FOXK2: variants seen among roughly 807,000 people sequenced by gnomAD.
The protein encoded by FOXK2 is forkhead box K2.
In FOXK2, 24 loss-of-function variants were observed where a neutral mutation model predicts 53.3. The observed-to-expected ratio is 0.45, with a 90% CI of 0.33 to 0.63. FOXK2 has a LOEUF of 0.63. FOXK2 is among the 30% of genes least tolerant of loss of function. The pLI is 0.03. For synonymous variants in FOXK2, 505 were observed against 407.1 expected (o/e 1.24, Z -2.89); for missense variants, 952 against 910.5 (o/e 1.05, Z -0.59).
chr17:82,602,269 C>T lies in FOXK2; in HGVS notation c.*770C>T, dbSNP rs1200819395. 3 of 152,186 alleles carry T rather than the reference C, an allele frequency of 2.0e-5. No individual in the cohort carries two copies. The highest frequency in any genetic ancestry group is 2.0e-4 in the Admixed American group (3 of 15,276). 9.4% of individuals were successfully genotyped at this position (152,186 alleles called of 1,614,324 possible). The stretch of plus-strand genomic sequence containing the variant: ...GGGACGAGCCAGTGCCGGGAAGGAA[C>T]TGCCGGGACTCACCGAGCTGCACTT... On this transcript the variant is annotated 3_prime_UTR_variant, in exon 9 of 9. Coordinates refer to ENST00000335255, the MANE Select transcript of FOXK2 (RefSeq NM_004514.4).
At chr17:82,559,534 C>T (rs973195468) in intron 1 of FOXK2, 3 of 455,602 alleles carry the variant, frequency 6.6e-6, no homozygotes, top group South Asian at 3.1e-5. Context: ...ACGGGCTGCT[C>T]ATTAGCAGTG....
intron 1 of FOXK2, among the ~76,000 whole-genome samples, chr17:82,538,608 C>T (rs541404600): frequency 6.6e-5 from 10 of 152,340 alleles, no homozygotes; most frequent in South Asian, 6.2e-4. Context: ...CCACAGGAGC[C>T]GCATGGGGTT....
intron 8 of FOXK2, among the ~76,000 whole-genome samples, chr17:82,596,547 G>GCCCTGGTGCCCTCGTCACGCCCCGCGAC (rs1555644203): frequency 6.6e-6 from 1 of 152,096 alleles, no homozygotes; most frequent in Non-Finnish European, 1.5e-5. Context: ...CGCACTTTCT[G>GCCCTGGTGCCCTCGTCACGCCCCGCGAC]CGGGCAGTCT....
chr17:82,601,180 G>A, intron 8 of FOXK2, 123 bp from the exon 9 acceptor site: 1 of 1,071,054 alleles, frequency 9.3e-7, no homozygotes, highest in Non-Finnish European at 1.3e-6. Flanking sequence ...GACCCTTAGA[G>A]GGCGAGAGTT....
At chr17:82,586,630 A>T (rs1339973493) in intron 7 of FOXK2, among the ~76,000 whole-genome samples, 1 of 152,000 alleles carries the variant, frequency 6.6e-6, no homozygotes, top group South Asian at 2.1e-4. Context: ...GGCCAGGTAC[A>T]GTGGCTCACA....
At chr17:82,530,776 T>A (rs1290567982) in intron 1 of FOXK2, among the ~76,000 whole-genome samples, 1 of 152,176 alleles carries the variant, frequency 6.6e-6, no homozygotes, top group Non-Finnish European at 1.5e-5. Context: ...TCCCAAAGTG[T>A]TGGGATCACA....
At chr17:82,597,332 C>CGT (rs1318390546) in intron 8 of FOXK2, among the ~76,000 whole-genome samples, 1 of 152,212 alleles carries the variant, frequency 6.6e-6, no homozygotes, top group Non-Finnish European at 1.5e-5. Flanking sequence ...GTGCCCAACT[C>CGT]GTGTGTGTGT....
chr17:82,539,647 T>TA lies in FOXK2; in HGVS notation c.419+19351dup, dbSNP rs571197253. On this transcript the variant is annotated intron_variant, in intron 1 of 8. Coordinates refer to ENST00000335255, the MANE Select transcript of FOXK2 (RefSeq NM_004514.4). ...CTGGGTAACACTCGAGACCTTGTTT[T>TA]AAAAAAAAAAATTAATTAAAAAATA... 3.6e-4 allele frequency among the ~76,000 whole-genome samples: 52 copies of TA among 146,064 alleles called. No individual in the cohort carries two copies. The East Asian group carries it at 5.2e-3, about 15-fold the overall frequency.
At chr17:82,579,180 G>C (rs2045027440) in intron 4 of FOXK2, among the ~76,000 whole-genome samples, 1 of 152,084 alleles carries the variant, frequency 6.6e-6, no homozygotes, top group Admixed American at 6.6e-5. Context: ...CCATCGTGTG[G>C]GTTTGCTTTT....
At chr17:82,564,541 T>A (rs1453382349) in intron 2 of FOXK2, among the ~76,000 whole-genome samples, 1 of 151,988 alleles carries the variant, frequency 6.6e-6, no homozygotes, top group Non-Finnish European at 1.5e-5. Flanking sequence ...TGGCCTGGAT[T>A]CTTTTTATTG....
At chr17:82,545,010 C>G (rs2044611112) in intron 1 of FOXK2, among the ~76,000 whole-genome samples, 1 of 152,108 alleles carries the variant, frequency 6.6e-6, no homozygotes, top group African/African-American at 2.4e-5. Flanking sequence ...GTCTGTCCTA[C>G]TTGAGCTTTT....
intron 4 of FOXK2, chr17:82,577,079 T>C: frequency 2.2e-6 from 1 of 454,676 alleles, no homozygotes; most frequent in South Asian, 2.2e-5. Flanking sequence ...GGAGAATTGT[T>C]TGAACCCACA....
chr17:82,520,354 C>T, intron 1 of FOXK2, 47 bp downstream of exon 1: 4 of 1,230,506 alleles, frequency 3.3e-6, no homozygotes, highest in South Asian at 7.6e-5. Context: ...GCCTGCAGCG[C>T]CTGGCAGGAC....
chr17:82,599,647 C>T (rs1228642950), intron 8 of FOXK2: 1 of 152,284 alleles, frequency 6.6e-6, no homozygotes, highest in Non-Finnish European at 1.5e-5. Flanking sequence ...AGTGTTGACT[C>T]CCGCTCTTCG....
intron 1 of FOXK2, among the ~76,000 whole-genome samples, chr17:82,535,112 T>G (rs2044507747): frequency 6.6e-6 from 1 of 152,208 alleles, no homozygotes; most frequent in South Asian, 2.1e-4. Flanking sequence ...ACTCCTGACC[T>G]CAGCTTATCC....
At chr17:82,528,375 A>G (rs753654793) in intron 1 of FOXK2, among the ~76,000 whole-genome samples, 8 of 152,178 alleles carry the variant, frequency 5.3e-5, no homozygotes, top group Non-Finnish European at 1.2e-4. Context: ...GCTTTTAGTG[A>G]AAGCAGTTGG....
intron 1 of FOXK2, among the ~76,000 whole-genome samples, chr17:82,540,191 G>A (rs913860991): frequency 2.0e-4 from 30 of 151,788 alleles, no homozygotes; most frequent in African/African-American, 7.3e-4. Flanking sequence ...TGAGGCAGGA[G>A]AATTGCTTGA....
chr17:82,582,872 T>C lies in FOXK2; in HGVS notation c.1041T>C (p.Phe347=), dbSNP rs1487809493. 1.9e-6 allele frequency: 3 copies of C among 1,613,312 alleles called. No homozygotes were observed. Among genetic ancestry groups the C allele is most frequent in the Non-Finnish European group, 2.5e-6 (3 of 1,179,914 alleles). Residue 347 remains phenylalanine, a synonymous_variant, in exon 5 of 9, where the codon TTT becomes TTC. Coordinates refer to ENST00000335255, the MANE Select transcript of FOXK2 (RefSeq NM_004514.4). ...AAAGCAAATTAATAGAACAGGCTTT[T>C]AGGAAACGACGGCCTAGGGGCGTGC... ...ASESKLIEQA[F]RKRRPRGVPC...
At chr17:82,574,826 A>G (rs921002397) in intron 4 of FOXK2, among the ~76,000 whole-genome samples, 2 of 152,240 alleles carry the variant, frequency 1.3e-5, no homozygotes, top group East Asian at 3.8e-4. Context: ...GTCAATCCAC[A>G]GAGGACATCT....
Sources: allele counts gnomAD v4.1 joint callset (sites outside exome capture counted in the v4.1 genomes callset), GRCh38; gene constraint gnomAD v4.1.1; transcripts MANE v1.5; gene names NCBI Gene and HGNC (gene_info 2026-07-23, HGNC 2026-07-21).